ADAMTS4: variants seen among roughly 807,000 people sequenced by gnomAD.
The protein encoded by ADAMTS4 is A disintegrin and metalloproteinase with thrombospondin motifs 4.
In ADAMTS4, 38 loss-of-function variants were observed where a neutral mutation model predicts 66.7. The observed-to-expected ratio is 0.57, with a 90% CI of 0.44 to 0.75. ADAMTS4 has a LOEUF of 0.75. Ranked by LOEUF, ADAMTS4 falls within the 30% of genes least tolerant of loss-of-function variation. The pLI is 0.00. For missense variants in ADAMTS4, 1,014 were observed against 1,116.7 expected (o/e 0.91, Z 1.31); for synonymous variants, 418 against 461.5 (o/e 0.91, Z 1.21).
At position 161,198,395 on chromosome 1, in the gene ADAMTS4, G is replaced by A. The variant is rs1451103538; in HGVS notation, c.233C>T (p.Pro78Leu). The change falls in exon 1 of 9, where the codon CCT becomes CTT. Residue 78 changes from proline to leucine, a missense_variant. By Grantham distance (98) the Pro-to-Leu change is moderately conservative. Transcript: ENST00000367996. The surrounding 1 kb of genome is among the most constrained non-coding windows in gnomAD (Gnocchi z 4.7). ...NGSVLPGSGA[P>L]ARLLCRLQAF... ...CTGCAAGCGGCACAACAGCCTGGCA[G>A]GGGCGCCCGAGCCAGGCAGGACGCT... 1 of 1,610,062 alleles carries A rather than the reference G, an allele frequency of 6.2e-7. No individual in the cohort carries two copies. The highest frequency in any genetic ancestry group is 8.5e-7 in the Non-Finnish European group (1 of 1,178,654).
At position 161,193,600 on chromosome 1, in the gene ADAMTS4, C is replaced by T; in HGVS notation, c.1735+40G>A. The T allele has an allele frequency of 6.3e-7, 1 of 1,578,214 alleles. No individual in the cohort carries two copies. The highest frequency in any genetic ancestry group is 1.2e-5 in the South Asian group (1 of 84,622). On this transcript the variant is annotated intron_variant, in intron 6 of 8. Coordinates refer to ENST00000367996, the MANE Select transcript of ADAMTS4 (RefSeq NM_005099.6). The surrounding 1 kb of genome is among the most constrained non-coding windows in gnomAD (Gnocchi z 4.4). ...TCAAGGGACAGTCCTTCCTGCTCTA[C>T]TGTCCCCTCCCAAGGGCTCCCATCC...
chr1:161,191,171 G>C lies in ADAMTS4; in HGVS notation c.2481C>G (p.Ile827Met), dbSNP rs773407497. The C allele has an allele frequency of 6.3e-7, 1 of 1,577,218 alleles. No individual in the cohort carries two copies. The highest frequency in any genetic ancestry group is 2.3e-5 in the East Asian group (1 of 44,218). ...TGCCCGCCCAGGGGCGCCGCCGAAG[G>C]ATCTCCAGAATCTGTGCTCTTCGGT... is the stretch of plus-strand genomic sequence containing the variant. ...WLHRRAQILEILRRRPWAGRK is the reference protein window; with the variant it reads ...WLHRRAQILEMLRRRPWAGRK The change falls in exon 9 of 9, where the codon ATC becomes ATG. Residue 827 changes from isoleucine (I) to methionine (M), a missense_variant. Coordinates refer to ENST00000367996, the MANE Select transcript of ADAMTS4 (RefSeq NM_005099.6).
rs756216475 is a variant in ADAMTS4, at chr1:161,189,600, A to G, written c.*1538T>C. ...TCAGAACCCAGGATAGGGGTCTGCC[A>G]ACCAAAGGAACGGACCCTGAGGATA... On this transcript the variant is annotated 3_prime_UTR_variant, in exon 9 of 9. Coordinates refer to ENST00000367996, the MANE Select transcript of ADAMTS4 (RefSeq NM_005099.6). 2 of 152,186 alleles carry G rather than the reference A, an allele frequency of 1.3e-5. No homozygotes were observed. Among genetic ancestry groups the G allele is most frequent in the Non-Finnish European group, 2.9e-5 (2 of 68,044 alleles). 9.4% of individuals were successfully genotyped at this position (152,186 alleles called of 1,614,324 possible).
Position 161,193,850 on chromosome 1 carries a change from G to T in ADAMTS4, c.1549-24C>A. On this transcript the variant is annotated intron_variant, in intron 5 of 8. Coordinates refer to ENST00000367996, the MANE Select transcript of ADAMTS4 (RefSeq NM_005099.6). The surrounding 1 kb of genome is among the most constrained non-coding windows in gnomAD (Gnocchi z 4.4). ...ATCTGCAAAGGCACAGAACGGAAGT[G>T]GGGCATAAGTGAACTCTCTCCTGGG... 6.3e-7 allele frequency: 1 copy of T among 1,581,804 alleles called. No individual in the cohort carries two copies. The highest frequency in any genetic ancestry group is 1.2e-5 in the South Asian group (1 of 85,478).
rs1664598638 is a variant in ADAMTS4 at position 161,188,908 on chromosome 1, ATTTTG to A, written c.*2225_*2229del. ...AATATATATATATATATATATATAT[ATTTTG>A]TATTTTTAGTAGACACGGGGTTTCA... On this transcript the variant is annotated 3_prime_UTR_variant, in exon 9 of 9. Transcript: ENST00000367996. The A allele has an allele frequency of 9.9e-5, 13 of 131,830 alleles. No homozygotes were observed. Among genetic ancestry groups the A allele is most frequent in the East Asian group, 7.2e-4 (3 of 4,180 alleles). The allele number at this position is 131,830 out of a possible 1,614,324, so 8.2% of individuals were successfully genotyped here. A position where few individuals can be genotyped will look rare whatever the true frequency, so the allele number is the denominator to read the frequency against.
rs41270039 is a variant in ADAMTS4 at position 161,191,226 on chromosome 1, G to A, written c.2426C>T (p.Thr809Met). 2.6e-3 allele frequency: 4,249 copies of A among 1,613,076 alleles called. 7 individuals are homozygous for A. The highest frequency in any genetic ancestry group is 3.4e-3 in the Non-Finnish European group (4,011 of 1,179,482). The change falls in exon 9 of 9, where the codon ACG (threonine) becomes ATG (methionine). Residue 809 changes from threonine to methionine, a missense_variant. Coordinates refer to ENST00000367996, the MANE Select transcript of ADAMTS4 (RefSeq NM_005099.6). ...SFFVPRPTPS[T>M]PRPTPQDWLH... is the part of the protein sequence containing the mutation. ...CCAGTCCTGGGGAGTGGGGCGTGGCGTTGAAGGGGTCGGCCGGGGCACGAA... is the reference window on the plus strand; with the variant it reads ...CCAGTCCTGGGGAGTGGGGCGTGGCATTGAAGGGGTCGGCCGGGGCACGAA...
chr1:161,196,054 C>CGG, intron 3 of ADAMTS4, 117 bp downstream of exon 3: 1 of 1,314,458 alleles, frequency 7.6e-7, no homozygotes, highest in South Asian at 1.6e-5. Context: ...AGTAATAGCC[C>CGG]TATACCTAGG....
chr1:161,196,355 A>G (rs763774332), intron 2 of ADAMTS4, 52 bp from the exon 3 acceptor site: 2 of 1,557,362 alleles, frequency 1.3e-6, no homozygotes, highest in African/African-American at 2.7e-5. Flanking sequence ...ACCTGGGTCC[A>G]TTGGGTTGAG....
At chr1:161,197,849 G>T (rs1664917699) in intron 1 of ADAMTS4, 146 bp downstream of exon 1, 1 of 1,258,870 alleles carries the variant, frequency 7.9e-7, no homozygotes, top group African/African-American at 1.5e-5. Flanking sequence ...ACCAAGAAAG[G>T]AGGCTCATGG....
chr1:161,196,346 C>T (rs202070695), intron 2 of ADAMTS4, 43 bp from the exon 3 acceptor site: 4 of 1,566,118 alleles, frequency 2.6e-6, no homozygotes, highest in Non-Finnish European at 3.5e-6. Context: ...AGCCAAGACA[C>T]CTGGGTCCAT....
rs774439066 is a variant in ADAMTS4, at chr1:161,198,067, G to A, written c.561C>T (p.Ala187=). 4.3e-6 allele frequency: 7 copies of A among 1,610,492 alleles called. No individual in the cohort carries two copies. The highest frequency in any genetic ancestry group is 1.3e-5 in the African/African-American group (1 of 74,970). The change falls in exon 1 of 9, where the codon GCC becomes GCT. Residue 187 remains alanine, a synonymous_variant. Transcript: ENST00000367996. This position sits in a 1 kb window ranked among gnomAD's most constrained non-coding sequence, Gnocchi z 4.7. ...CGTTGCACATGGGACCTTGACCGCT[G>A]GCAGGACTCTTCCGGCGTAGGATGT... The part of the protein sequence containing the change: ...GAHILRRKSP[A]SGQGPMCNVK...
In ADAMTS4 at chr1:161,191,409, G is replaced by A; in HGVS notation, c.2243C>T (p.Pro748Leu). The A allele has an allele frequency of 6.2e-7, 1 of 1,614,150 alleles. No individual in the cohort carries two copies. Among genetic ancestry groups the A allele is most frequent in the Non-Finnish European group, 8.5e-7 (1 of 1,180,038 alleles). ...LNGEYTLMPSPTDVVLPGAVS... is the reference protein window; with the variant it reads ...LNGEYTLMPSLTDVVLPGAVS... ...TGCCCCAGGCAGTACCACATCTGTGGGGGAGGGCATCAGCGTGTATTCACC... is the reference window on the plus strand; with the variant it reads ...TGCCCCAGGCAGTACCACATCTGTGAGGGAGGGCATCAGCGTGTATTCACC... Residue 748 changes from proline (P) to leucine (L), a missense_variant, in exon 9 of 9, where the codon CCC becomes CTC. Transcript: ENST00000367996.
Position 161,197,669 on chromosome 1 carries a change from G to A in ADAMTS4, c.633+326C>T, listed in dbSNP as rs548455606. On this transcript the variant is annotated intron_variant, in intron 1 of 8. Transcript: ENST00000367996. ...AGAAAAGAGCCAAGGCCAAGGGGCT[G>A]TTAGGAGACCTTTACTGCTGGGGAC... is the stretch of plus-strand genomic sequence containing the variant. Among the ~76,000 whole-genome samples the A allele has an allele frequency of 3.3e-5, 5 of 152,232 alleles. No homozygotes were observed. The East Asian group carries it at 9.7e-4, about 30-fold the overall frequency.
rs1389446616 is a variant in ADAMTS4, at chr1:161,185,999, T to C, written c.*5139A>G. The C allele has an allele frequency of 6.6e-6, 1 of 152,256 alleles. No individual in the cohort carries two copies. The highest frequency in any genetic ancestry group is 1.5e-5 in the Non-Finnish European group (1 of 68,052). The allele number at this position is 152,256 out of a possible 1,614,324, so 9.4% of individuals were successfully genotyped here. The stretch of plus-strand genomic sequence containing the variant: ...TCTCATAAAATGGTTGTCCAAACTC[T>C]TCTTGAACTTCTCTAGGGACAGGGT... On this transcript the variant is annotated 3_prime_UTR_variant, in exon 9 of 9. Coordinates refer to ENST00000367996, the MANE Select transcript of ADAMTS4 (RefSeq NM_005099.6).
Position 161,185,124 on chromosome 1 carries a change from G to A in ADAMTS4, c.*6014C>T, listed in dbSNP as rs913381729. On this transcript the variant is annotated 3_prime_UTR_variant, in exon 9 of 9. Coordinates refer to ENST00000367996, the MANE Select transcript of ADAMTS4 (RefSeq NM_005099.6). ...ATGAGTTAATGGGTGCAGCACACCA[G>A]CATGGCACATGTATACATATGTAAC... is the stretch of plus-strand genomic sequence containing the variant. 6.6e-6 allele frequency: 1 copy of A among 151,876 alleles called. No homozygotes were observed. Among genetic ancestry groups the A allele is most frequent in the Non-Finnish European group, 1.5e-5 (1 of 67,968 alleles). 9.4% of individuals were successfully genotyped at this position (151,876 alleles called of 1,614,324 possible).
rs1338151622 is a variant in ADAMTS4 at position 161,193,237 on chromosome 1, GC to G, written c.1886del (p.Gly629AlafsTer11). ...CCCGTGGCTCCAGCACATAGTAGTA[GC>G]CCAGTGCCTGGGCCTGGCAGGTGAG... ...CKLTCQAQAL[G>X]YYYVLEPRVV... is the part of the protein sequence containing the mutation. On this transcript the variant is annotated frameshift_variant, in exon 7 of 9. Transcript: ENST00000367996. LOFTEE classifies it high-confidence loss of function. This position sits in a 1 kb window ranked among gnomAD's most constrained non-coding sequence, Gnocchi z 4.4. The G allele has an allele frequency of 6.2e-7, 1 of 1,613,866 alleles. No individual in the cohort carries two copies.
At chr1:161,197,146 G>T (rs914069234) in intron 1 of ADAMTS4, 1 of 431,796 alleles carries the variant, frequency 2.3e-6, no homozygotes, top group South Asian at 2.7e-5. Flanking sequence ...AGGGCTGCGG[G>T]AGCCCCAGAG....
intron 2 of ADAMTS4, 85 bp from the exon 3 acceptor site, chr1:161,196,388 G>A (rs1664838667): frequency 6.5e-7 from 1 of 1,535,866 alleles, no homozygotes; most frequent in Admixed American, 2.0e-5. Flanking sequence ...GGGGACCTGG[G>A]CACTGAGGAC....
rs1263766946 is a variant in ADAMTS4, at chr1:161,195,477, C to T, written c.1249G>A (p.Asp417Asn). 1 of 1,609,674 alleles carries T rather than the reference C, an allele frequency of 6.2e-7. No homozygotes were observed. The highest frequency in any genetic ancestry group is 1.7e-5 in the Admixed American group (1 of 59,276). ...GCCATCTGCTTACCATAGCCATTGTCCAGGAAGTCAGTGATGAAGCGGGCA... is the reference window on the plus strand; with the variant it reads ...GCCATCTGCTTACCATAGCCATTGTTCAGGAAGTCAGTGATGAAGCGGGCA... ...CSARFITDFL[D>N]NGYGHCLLDK... is the part of the protein sequence containing the mutation. Residue 417 changes from aspartate to asparagine, a missense_variant, in exon 4 of 9, where the codon GAC becomes AAC. Coordinates refer to ENST00000367996, the MANE Select transcript of ADAMTS4 (RefSeq NM_005099.6).
Sources: gnomAD v4.1 joint callset for allele counts (sites outside exome capture counted in the v4.1 genomes callset) on GRCh38, gnomAD v4.1.1 for gene constraint, Gnocchi (gnomAD v3.1) non-coding constraint, MANE v1.5 for transcripts, NCBI Gene and HGNC (gene_info 2026-07-23, HGNC 2026-07-21) for gene names.